The following SUPT3H variants were observed in gnomAD, a reference collection of about 807,000 sequenced individuals.
SUPT3H encodes the protein transcription initiation protein SPT3 homolog.
SUPT3H carries 44 observed loss-of-function variants against 44.3 expected under a neutral mutation model. The ratio of observed to expected loss-of-function variants is 0.99; its 90% CI spans 0.78 to 1.28. SUPT3H has a LOEUF of 1.28. SUPT3H is among the 50% of genes most tolerant of loss of function. The pLI, the probability that SUPT3H is intolerant of heterozygous loss-of-function variation, is 0.00. For synonymous variants in SUPT3H, 124 were observed against 125.6 expected, an observed-to-expected ratio of 0.99 and a Z score of 0.09; for missense variants, 380 against 387.1, an observed-to-expected ratio of 0.98 and a Z score of 0.15.
chr6:44,892,090 C>G (rs1204472285), intron 10 of SUPT3H, among the ~76,000 whole-genome samples: 4 of 152,068 alleles, frequency 2.6e-5, no homozygotes, highest in Admixed American at 2.0e-4. Flanking sequence ...TACAAACCAT[C>G]TGGAATGAAG....
At chr6:44,967,577 G>A (rs927130142) in intron 6 of SUPT3H, among the ~76,000 whole-genome samples, 1 of 152,240 alleles carries the variant, frequency 6.6e-6, no homozygotes, top group African/African-American at 2.4e-5. Flanking sequence ...ACTTTGAGGT[G>A]TAAGGCTGGA....
chr6:45,083,159 T>G (rs1384176125), intron 3 of SUPT3H, among the ~76,000 whole-genome samples: 1 of 127,160 alleles, frequency 7.9e-6, no homozygotes, highest in African/African-American at 3.1e-5. Flanking sequence ...TCATAGATAT[T>G]AAAGAATCAT....
intron 3 of SUPT3H, among the ~76,000 whole-genome samples, chr6:45,059,361 G>T (rs1307626290): frequency 6.6e-6 from 1 of 152,102 alleles, no homozygotes; most frequent in East Asian, 1.9e-4. Context: ...AATAGATGCA[G>T]AAAAGGCCTT....
intron 2 of SUPT3H, among the ~76,000 whole-genome samples, chr6:45,155,660 G>A (rs1484873229): frequency 2.0e-5 from 3 of 152,088 alleles, no homozygotes; most frequent in Non-Finnish European, 4.4e-5. Flanking sequence ...CTAAAAGAGA[G>A]CATGAAGGAT....
chr6:44,953,467 G>A (rs923188815), intron 8 of SUPT3H, 50 bp from the exon 9 acceptor site: 2 of 1,489,276 alleles, frequency 1.3e-6, no homozygotes, highest in Admixed American at 1.7e-5. Context: ...AATCATGAAT[G>A]CCACTGAAGT....
chr6:44,989,644 CCT>C (rs1780328994), intron 6 of SUPT3H, among the ~76,000 whole-genome samples: 1 of 152,112 alleles, frequency 6.6e-6, no homozygotes, highest in Non-Finnish European at 1.5e-5. Flanking sequence ...GGTTCCTATT[CCT>C]CCACGCCCTA....
chr6:44,906,772 CA>C (rs1348901718), intron 10 of SUPT3H, among the ~76,000 whole-genome samples: 1 of 151,796 alleles, frequency 6.6e-6, no homozygotes, highest in Non-Finnish European at 1.5e-5. Context: ...AAAAAACAAA[CA>C]AAAAAAATTC....
chr6:44,987,796 ACTT>A (rs1780027618), intron 6 of SUPT3H, among the ~76,000 whole-genome samples: 1 of 152,154 alleles, frequency 6.6e-6, no homozygotes, highest in African/African-American at 2.4e-5. Context: ...TCTTCCGATT[ACTT>A]CTTTTTTCTC....
At chr6:45,220,511 C>T (rs1381214299) in intron 2 of SUPT3H, among the ~76,000 whole-genome samples, 3 of 152,076 alleles carry the variant, frequency 2.0e-5, no homozygotes, top group African/African-American at 7.2e-5. Context: ...AAATTAGTAA[C>T]AAGGCAAAGA....
At chr6:45,057,027 T>C (rs1220027408) in intron 3 of SUPT3H, among the ~76,000 whole-genome samples, 1 of 152,084 alleles carries the variant, frequency 6.6e-6, no homozygotes. Context: ...AAACATAGAA[T>C]TGAAAGATGT....
chr6:45,094,419 A>C (rs1210304915), intron 3 of SUPT3H, among the ~76,000 whole-genome samples: 4 of 152,292 alleles, frequency 2.6e-5, no homozygotes, highest in Non-Finnish European at 5.9e-5. Flanking sequence ...ACTGGAAGTG[A>C]AAAACAATTT....
chr6:45,312,404 A>G (rs1784085500), intron 2 of SUPT3H, among the ~76,000 whole-genome samples: 1 of 151,578 alleles, frequency 6.6e-6, no homozygotes, highest in African/African-American at 2.4e-5. Flanking sequence ...AGTCCCAGCT[A>G]CTCAGGAAGC....
At chr6:45,119,444 T>A (rs960708878) in intron 2 of SUPT3H, among the ~76,000 whole-genome samples, 2 of 152,114 alleles carry the variant, frequency 1.3e-5, no homozygotes, top group African/African-American at 4.8e-5. Flanking sequence ...TCCACTATTA[T>A]CTCAGACCAC....
At position 45,095,585 on chromosome 6, in the gene SUPT3H, C is replaced by G. The variant is rs1474882760; in HGVS notation, c.186+10337G>C. On this transcript the variant is annotated intron_variant, in intron 3 of 10. Transcript: ENST00000371459. The surrounding 1 kb of genome is among the most constrained non-coding windows in gnomAD (Gnocchi z 4.1). Reference sequence around the variant, plus strand: ...CTGATGTGAAAACTAGTGTAACCAACTACACAGCTTACTACTGACTGGTAG... The same window carrying G: ...CTGATGTGAAAACTAGTGTAACCAAGTACACAGCTTACTACTGACTGGTAG... Among the ~76,000 whole-genome samples, 1 of 152,114 alleles carries G rather than the reference C, an allele frequency of 6.6e-6. No homozygotes were observed. Among genetic ancestry groups the G allele is most frequent in the African/African-American group, 2.4e-5 (1 of 41,434 alleles).
intron 6 of SUPT3H, among the ~76,000 whole-genome samples, chr6:44,974,897 G>C (rs1241498107): frequency 6.6e-6 from 1 of 152,144 alleles, no homozygotes; most frequent in Non-Finnish European, 1.5e-5. Flanking sequence ...GAGATAACTG[G>C]CTCAATGATG....
At chr6:45,358,475 C>A (rs947676677) in intron 2 of SUPT3H, among the ~76,000 whole-genome samples, 6 of 152,052 alleles carry the variant, frequency 3.9e-5, no homozygotes, top group African/African-American at 1.4e-4. Flanking sequence ...GAAATTCTTC[C>A]CATTAAATTG....
chr6:45,217,539 G>A (rs1336410200), intron 2 of SUPT3H, among the ~76,000 whole-genome samples: 3 of 151,978 alleles, frequency 2.0e-5, no homozygotes, highest in Non-Finnish European at 2.9e-5. Flanking sequence ...TAAGTCACAT[G>A]TATGTATACC....
At chr6:45,164,465 T>G (rs963313432) in intron 2 of SUPT3H, among the ~76,000 whole-genome samples, 1 of 152,122 alleles carries the variant, frequency 6.6e-6, no homozygotes, top group African/African-American at 2.4e-5. Context: ...AAATTGACTG[T>G]ATTTAGCTTT....
chr6:44,837,482 C>T (rs530976129), intron 10 of SUPT3H, among the ~76,000 whole-genome samples: 140 of 152,252 alleles, frequency 9.2e-4, no homozygotes, highest in African/African-American at 2.9e-3. Flanking sequence ...AAAAAGTGGG[C>T]TTAGACCACA....
Sources: allele counts gnomAD v4.1 joint callset (sites outside exome capture counted in the v4.1 genomes callset), GRCh38; gene constraint gnomAD v4.1.1; non-coding constraint Gnocchi (gnomAD v3.1); transcripts MANE v1.5; gene names NCBI Gene and HGNC (gene_info 2026-07-23, HGNC 2026-07-21).